FRY: variants seen among roughly 807,000 people sequenced by gnomAD.
The protein encoded by FRY is FRY microtubule binding protein.
In FRY, 128 loss-of-function variants were observed where a neutral mutation model predicts 348.4. The observed-to-expected ratio is 0.37, with a 90% CI of 0.32 to 0.43. The LOEUF is 0.43. Ranked by LOEUF, FRY falls within the 20% of genes least tolerant of loss-of-function variation. The probability of loss-of-function intolerance (pLI) is 1.00; values close to 1 mark genes in which losing one functional copy is unlikely to be tolerated. For synonymous variants in FRY, 1,370 were observed against 1,374.7 expected, an observed-to-expected ratio of 1.00 and a Z score of 0.08; for missense variants, 2,736 against 3,695.2, an observed-to-expected ratio of 0.74 and a Z score of 6.73.
At chr13:32,131,281 T>C (rs141786230) in intron 7 of FRY, among the ~76,000 whole-genome samples, 87 of 152,352 alleles carry the variant, frequency 5.7e-4, no homozygotes, top group Non-Finnish European at 1.1e-3. Context: ...ATCACTAACC[T>C]AGTATGTTAT....
chr13:32,245,455 AT>A (rs1169118202), intron 47 of FRY, among the ~76,000 whole-genome samples: 1 of 152,060 alleles, frequency 6.6e-6, no homozygotes, highest in Non-Finnish European at 1.5e-5. Flanking sequence ...AATAAAAAAA[AT>A]TTTAAAAATC....
At chr13:32,079,679 T>C (rs879559173) in intron 2 of FRY, among the ~76,000 whole-genome samples, 1 of 152,142 alleles carries the variant, frequency 6.6e-6, no homozygotes, top group African/African-American at 2.4e-5. Context: ...CTGCCTTACA[T>C]TGATTGCTCT....
At chr13:32,145,866 G>A (rs527482761) in intron 11 of FRY, among the ~76,000 whole-genome samples, 12 of 152,228 alleles carry the variant, frequency 7.9e-5, no homozygotes, top group Admixed American at 7.2e-4. Flanking sequence ...GTTAATGCCT[G>A]GGTGCCCACA....
intron 26 of FRY, among the ~76,000 whole-genome samples, 180 bp from the exon 27 acceptor site, chr13:32,186,080 G>GA (rs1883009600): frequency 6.6e-6 from 1 of 152,184 alleles, no homozygotes; most frequent in African/African-American, 2.4e-5. Flanking sequence ...GTGAGGACAG[G>GA]AAGAGTGCAC....
intron 41 of FRY, 62 bp from the exon 42 acceptor site, chr13:32,234,512 C>CT: frequency 6.9e-7 from 1 of 1,456,950 alleles, no homozygotes; most frequent in Non-Finnish European, 9.6e-7. Flanking sequence ...TTAGAGGTAA[C>CT]TTTGATGCCC....
chr13:32,168,142 G>A (rs1881854863), intron 17 of FRY, among the ~76,000 whole-genome samples: 1 of 152,182 alleles, frequency 6.6e-6, no homozygotes, highest in South Asian at 2.1e-4. Context: ...GGAGATGCAG[G>A]AGAGCCAGTG....
At chr13:32,202,307 C>G (rs373517539) in intron 30 of FRY, 49 bp from the exon 31 acceptor site, 30 of 1,372,050 alleles carry the variant, frequency 2.2e-5, no homozygotes, top group Non-Finnish European at 3.1e-5. Context: ...CATGAGATAT[C>G]CAGCTAATGC....
chr13:32,193,886 C>T (rs561920420), intron 28 of FRY, among the ~76,000 whole-genome samples: 1 of 152,184 alleles, frequency 6.6e-6, no homozygotes, highest in East Asian at 1.9e-4. Flanking sequence ...CCACGCCCAG[C>T]CACTCCTTTC....
intron 13 of FRY, among the ~76,000 whole-genome samples, chr13:32,149,029 A>G (rs1187647069): frequency 6.7e-6 from 1 of 149,374 alleles, no homozygotes; most frequent in African/African-American, 2.4e-5. Context: ...ATAAATAAAT[A>G]TGTACATATA....
chr13:32,050,230 T>C (rs907973060), intron 1 of FRY, among the ~76,000 whole-genome samples: 3 of 152,252 alleles, frequency 2.0e-5, no homozygotes, highest in Non-Finnish European at 2.9e-5. Flanking sequence ...CATAGCTTGT[T>C]GGATTACTTC....
chr13:32,278,827 T>C (rs1323873010), intron 58 of FRY, among the ~76,000 whole-genome samples: 1 of 152,244 alleles, frequency 6.6e-6, no homozygotes, highest in Non-Finnish European at 1.5e-5. Context: ...AATAAATTTA[T>C]TCTTAATTCA....
chr13:32,072,268 T>C (rs773269681), intron 1 of FRY, among the ~76,000 whole-genome samples: 1 of 152,224 alleles, frequency 6.6e-6, no homozygotes, highest in Non-Finnish European at 1.5e-5. Flanking sequence ...AATCAGAAAT[T>C]AATTAAGCTT....
intron 10 of FRY, among the ~76,000 whole-genome samples, chr13:32,135,782 A>G (rs915903695): frequency 1.2e-4 from 19 of 152,188 alleles, no homozygotes; most frequent in African/African-American, 4.6e-4. Context: ...GTAATGTGAA[A>G]GTCAGGAGGA....
rs1184310905 is a variant in FRY at position 32,297,539 on chromosome 13, T to C, written c.*2079T>C. On this transcript the variant is annotated 3_prime_UTR_variant, in exon 61 of 61. Transcript: ENST00000542859. ...AAAGGATTTCAACAGTACATTACAATCCAAGATATTAACATAGGAAGCAGT... is the reference window on the plus strand; with the variant it reads ...AAAGGATTTCAACAGTACATTACAACCCAAGATATTAACATAGGAAGCAGT... 1 of 152,110 alleles carries C rather than the reference T, an allele frequency of 6.6e-6. No individual in the cohort carries two copies. The highest frequency in any genetic ancestry group is 1.5e-5 in the Non-Finnish European group (1 of 68,006). 9.4% of individuals were successfully genotyped at this position (152,110 alleles called of 1,614,324 possible). A position where few individuals can be genotyped will look rare whatever the true frequency, so the allele number is the denominator to read the frequency against.
rs1886416745 is a variant in FRY at position 32,239,967 on chromosome 13, T to C, written c.6687+86T>C. On this transcript the variant is annotated intron_variant, in intron 46 of 60. Transcript: ENST00000542859. This position sits in a 1 kb window ranked among gnomAD's most constrained non-coding sequence, Gnocchi z 4.3. ...AACTCTTGGGCTCAAGCAGTCCTCCTGCCTTCGCCTCCCAGAGTGCTAGGA... is the reference window on the plus strand; with the variant it reads ...AACTCTTGGGCTCAAGCAGTCCTCCCGCCTTCGCCTCCCAGAGTGCTAGGA... The C allele has an allele frequency of 1.8e-6, 2 of 1,137,202 alleles. No individual in the cohort carries two copies. The highest frequency in any genetic ancestry group is 2.5e-5 in the East Asian group (1 of 40,580). 70.4% of individuals were successfully genotyped at this position (1,137,202 alleles called of 1,614,324 possible).
Position 32,232,231 on chromosome 13 carries a change from G to A in FRY, c.5527+931G>A, listed in dbSNP as rs951512810. On this transcript the variant is annotated intron_variant, in intron 41 of 60. Transcript: ENST00000542859. ...AACCATTAATTAATCTAAAATCTTG[G>A]ATTGAATGAAAATAATAAACATGAG... Among the ~76,000 whole-genome samples, 45 of 152,254 alleles carry A rather than the reference G, an allele frequency of 3.0e-4. 1 individual carries two copies. The highest frequency in any genetic ancestry group is 9.9e-4 in the African/African-American group (41 of 41,542).
At chr13:32,234,532 T>C (rs766523498) in intron 41 of FRY, 42 bp from the exon 42 acceptor site, 2 of 1,560,902 alleles carry the variant, frequency 1.3e-6, no homozygotes, top group East Asian at 2.2e-5. Context: ...CCAGAGCATG[T>C]AGAGTAGAGA....
intron 2 of FRY, among the ~76,000 whole-genome samples, chr13:32,079,431 C>A (rs1056008531): frequency 6.6e-6 from 1 of 152,044 alleles, no homozygotes; most frequent in African/African-American, 2.4e-5. Flanking sequence ...CAAGAAAAAT[C>A]ATTTTGTTCA....
chr13:32,085,938 A>C (rs1875830312), intron 2 of FRY: 2 of 518,852 alleles, frequency 3.9e-6, no homozygotes, highest in Non-Finnish European at 7.7e-6. Flanking sequence ...GAGGCAAACA[A>C]AGTACTTAAG....
Sources: allele counts gnomAD v4.1 joint callset (sites outside exome capture counted in the v4.1 genomes callset), GRCh38; gene constraint gnomAD v4.1.1; non-coding constraint Gnocchi (gnomAD v3.1); transcripts MANE v1.5; gene names NCBI Gene and HGNC (gene_info 2026-07-23, HGNC 2026-07-21).